The following UBR3 variants were observed in gnomAD, a reference collection of about 807,000 sequenced individuals.
The protein encoded by UBR3 is E3 ubiquitin-protein ligase UBR3.
Under a neutral mutation model 243.2 loss-of-function variants are expected in UBR3, and 85 were observed. The observed-to-expected ratio is 0.35, with a 90% confidence interval of 0.29 to 0.42. The LOEUF is 0.42. Among genes scored for constraint, UBR3 ranks in the 10% least tolerant of loss-of-function variants. The pLI is 1.00. For missense variants in UBR3, 1,686 were observed against 2,300.8 expected (o/e 0.73, Z 5.47); for synonymous variants, 748 against 799.8 (o/e 0.94, Z 1.09).
chr2:169,872,392 T>G lies in UBR3; in HGVS notation c.685+17T>G, dbSNP rs1451152773. ...ATGAACCAGGTATGTTTTAATCTAC[T>G]TCTTGTTAGTACTCTTTTTAAATTG... On this transcript the variant is annotated intron_variant, in intron 2 of 38. Coordinates refer to ENST00000272793, the MANE Select transcript of UBR3 (RefSeq NM_172070.4). 2 of 1,417,412 alleles carry G rather than the reference T, an allele frequency of 1.4e-6. No homozygotes were observed. Among genetic ancestry groups the G allele is most frequent in the African/African-American group, 2.9e-5 (2 of 69,018 alleles). The allele number at this position is 1,417,412 out of a possible 1,614,324, so 87.8% of individuals were successfully genotyped here.
At position 169,925,577 on chromosome 2, in the gene UBR3, G is replaced by T. The variant is rs575729134; in HGVS notation, c.2023-42G>T. On this transcript the variant is annotated intron_variant, in intron 13 of 38. Coordinates refer to ENST00000272793, the MANE Select transcript of UBR3 (RefSeq NM_172070.4). ...TTATTTATAATATTTTGTAAAGATT[G>T]CATTTAGATAATTTATTCTTTGTCC... 6 of 1,494,054 alleles carry T rather than the reference G, an allele frequency of 4.0e-6. No individual in the cohort carries two copies. The East Asian group carries it at 1.2e-4, about 31-fold the overall frequency. The allele number at this position is 1,494,054 out of a possible 1,614,324, so 92.5% of individuals were successfully genotyped here. A position where few individuals can be genotyped will look rare whatever the true frequency, so the allele number is the denominator to read the frequency against.
At chr2:170,073,315 C>A in intron 35 of UBR3, 113 bp from the exon 36 acceptor site, 2 of 1,221,238 alleles carry the variant, frequency 1.6e-6, no homozygotes, top group Non-Finnish European at 2.3e-6. Flanking sequence ...TCAGTTGACT[C>A]AGTTAAGAAA....
In UBR3 at chr2:169,907,748, A is replaced by G. The variant is rs576680542; in HGVS notation, c.1779+1584A>G. On this transcript the variant is annotated intron_variant, in intron 10 of 38. Transcript: ENST00000272793. Reference sequence around the variant, plus strand: ...ACAAGTTGCCCTCAACTTGTCTCTCATAATTCGTTATCTTTTTTTTTAATT... The same window carrying G: ...ACAAGTTGCCCTCAACTTGTCTCTCGTAATTCGTTATCTTTTTTTTTAATT... Among the ~76,000 whole-genome samples the G allele has an allele frequency of 2.0e-5, 3 of 151,700 alleles. No homozygotes were observed. In the East Asian group the frequency reaches 5.8e-4, roughly 29 times the overall value.
chr2:170,050,457 C>CT (rs1270306230), intron 32 of UBR3, among the ~76,000 whole-genome samples: 3 of 152,152 alleles, frequency 2.0e-5, no homozygotes, highest in African/African-American at 7.2e-5. Context: ...CCTGTGTGCT[C>CT]TTCCCCTAGG....
At chr2:169,852,537 A>C (rs570107110) in intron 1 of UBR3, among the ~76,000 whole-genome samples, 3 of 152,302 alleles carry the variant, frequency 2.0e-5, no homozygotes, top group Admixed American at 6.5e-5. Context: ...AGAAAATACT[A>C]TCTGGCTCTT....
chr2:169,890,579 A>ATATATATATG (rs373265395), intron 5 of UBR3, among the ~76,000 whole-genome samples: 2 of 61,270 alleles, frequency 3.3e-5, no homozygotes, highest in African/African-American at 7.3e-5. Flanking sequence ...ATATATATAT[A>ATATATATATG]TGTATATATA....
chr2:169,828,149 A>C, intron 1 of UBR3, 97 bp downstream of exon 1: 17 of 990,800 alleles, frequency 1.7e-5, no homozygotes, highest in African/African-American at 4.2e-5. Context: ...TGAGCTGTCA[A>C]GGGGAGGGTG....
At chr2:169,952,810 T>G (rs1559128428) in intron 23 of UBR3, among the ~76,000 whole-genome samples, 1 of 152,154 alleles carries the variant, frequency 6.6e-6, no homozygotes, top group Non-Finnish European at 1.5e-5. Flanking sequence ...AAAATTTGTT[T>G]CCGTGGGAGA....
chr2:169,972,409 T>C (rs1398409805), intron 24 of UBR3, among the ~76,000 whole-genome samples: 1 of 152,160 alleles, frequency 6.6e-6, no homozygotes, highest in Admixed American at 6.5e-5. Context: ...CCCTAACTCT[T>C]TTTATGAGGC....
At chr2:170,049,789 A>G (rs1313251195) in intron 32 of UBR3, among the ~76,000 whole-genome samples, 6 of 152,132 alleles carry the variant, frequency 3.9e-5, no homozygotes, top group Non-Finnish European at 8.8e-5. Context: ...CGCCCTCTCC[A>G]GACTGTCAGT....
Position 169,914,686 on chromosome 2 carries a change from C to G in UBR3, c.1866+540C>G, listed in dbSNP as rs1232420225. ...TGGCCAAGTTTACCATCAGAAGCTC[C>G]TTTTATTCCTCCTATGAAGTAGGGT... On this transcript the variant is annotated intron_variant, in intron 11 of 38. Coordinates refer to ENST00000272793, the MANE Select transcript of UBR3 (RefSeq NM_172070.4). 2.0e-5 allele frequency among the ~76,000 whole-genome samples: 3 copies of G among 152,090 alleles called. No homozygotes were observed. The East Asian group carries it at 5.8e-4, about 29-fold the overall frequency.
At chr2:169,930,381 G>GTT (rs575190231) in intron 18 of UBR3, among the ~76,000 whole-genome samples, 8 of 146,198 alleles carry the variant, frequency 5.5e-5, no homozygotes, top group Admixed American at 1.4e-4. Flanking sequence ...GAAATTAGTT[G>GTT]TTTTTTTTTT....
intron 4 of UBR3, among the ~76,000 whole-genome samples, chr2:169,878,091 G>A (rs1257388762): frequency 1.3e-5 from 2 of 152,194 alleles, no homozygotes; most frequent in Non-Finnish European, 1.5e-5. Context: ...TGGGCACGGA[G>A]GCTTATGCCT....
Position 169,932,915 on chromosome 2 carries a change from A to T in UBR3, c.2570A>T (p.Glu857Val), listed in dbSNP as rs2105350594. 6.5e-7 allele frequency: 1 copy of T among 1,544,708 alleles called. No individual in the cohort carries two copies. The highest frequency in any genetic ancestry group is 2.5e-5 in the East Asian group (1 of 40,512). The change falls in exon 19 of 39, where the codon GAA becomes GTA. Residue 857 changes from glutamate to valine, a missense_variant. Physicochemically the swap from Glu to Val is moderately radical, Grantham distance 121. Around this residue, in one of 8 missense-constraint regions of UBR3, gnomAD observed 346 missense variants for 585.8 expected, o/e 0.59. Transcript: ENST00000272793. ...TCTACTTTCTTTTGAATAATAGCTG[A>T]AGTCTGGGATCAAGAGTTTGACCCC... ...MQQGMYTPKA[E>V]VWDQEFDPVM...
chr2:169,827,461 C>G lies in UBR3; in HGVS notation c.-47C>G. ...GCAGCAGTCTATTCCCTCACTCTCC[C>G]TGGAGGAGCCGCTGGCCCTGGACTC... On this transcript the variant is annotated 5_prime_UTR_variant, in exon 1 of 39. Coordinates refer to ENST00000272793, the MANE Select transcript of UBR3 (RefSeq NM_172070.4). 1.6e-6 allele frequency: 2 copies of G among 1,218,524 alleles called. No individual in the cohort carries two copies. Among genetic ancestry groups the G allele is most frequent in the Non-Finnish European group, 2.0e-6 (2 of 979,370 alleles). 75.5% of individuals were successfully genotyped at this position (1,218,524 alleles called of 1,614,324 possible). A position where few individuals can be genotyped will look rare whatever the true frequency, so the allele number is the denominator to read the frequency against.
rs565228040 is a variant in UBR3, at chr2:170,081,650, GAAA to G, written c.5550-70_5550-68del. The G allele has an allele frequency of 2.6e-6, 3 of 1,157,792 alleles. No individual in the cohort carries two copies. The African/African-American group carries it at 4.8e-5, about 18-fold the overall frequency. 71.7% of individuals were successfully genotyped at this position (1,157,792 alleles called of 1,614,324 possible). ...GGTTGCACTGCGAGAGACTGTCTCA[GAAA>G]AAAAAGAAGAAAGAAATGCATGTGA... On this transcript the variant is annotated intron_variant, in intron 38 of 38. Coordinates refer to ENST00000272793, the MANE Select transcript of UBR3 (RefSeq NM_172070.4).
intron 5 of UBR3, among the ~76,000 whole-genome samples, chr2:169,890,581 G>GTGTATATATTTATGTA (rs1553504582): frequency 1.0e-5 from 1 of 96,528 alleles, no homozygotes; most frequent in Non-Finnish European, 1.9e-5. Flanking sequence ...ATATATATAT[G>GTGTATATATTTATGTA]TATATATATA....
At chr2:170,019,587 A>T (rs1167203719) in intron 30 of UBR3, among the ~76,000 whole-genome samples, 3 of 152,080 alleles carry the variant, frequency 2.0e-5, no homozygotes, top group African/African-American at 7.2e-5. Flanking sequence ...CAGGAGATGG[A>T]GGTGGGAGGA....
chr2:170,002,235 A>ACCCAGTCAGCTAT (rs1166863902), intron 27 of UBR3, among the ~76,000 whole-genome samples: 1 of 152,150 alleles, frequency 6.6e-6, no homozygotes, highest in African/African-American at 2.4e-5. Context: ...TTGATTTTAG[A>ACCCAGTCAGCTAT]CCCAGTCAGC....
Sources: allele counts gnomAD v4.1 joint callset (sites outside exome capture counted in the v4.1 genomes callset), GRCh38; gene constraint gnomAD v4.1.1; regional missense constraint gnomAD v4.1.1; transcripts MANE v1.5; gene names NCBI Gene and HGNC (gene_info 2026-07-23, HGNC 2026-07-21).